CHRNA7: variants seen among roughly 807,000 people sequenced by gnomAD.
CHRNA7 encodes neuronal acetylcholine receptor subunit alpha-7.
CHRNA7 carries 17 observed loss-of-function variants against 48.0 expected under a neutral mutation model. That is an observed-to-expected ratio of 0.35 (90% CI 0.24 to 0.53). CHRNA7 has a LOEUF of 0.53. CHRNA7 is among the 20% of genes least tolerant of loss of function. The pLI is 0.92. For missense variants in CHRNA7, 155 were observed against 577.7 expected (o/e 0.27, Z 7.50); for synonymous variants, 75 against 242.3 (o/e 0.31, Z 6.41).
intron 2 of CHRNA7, among the ~76,000 whole-genome samples, chr15:32,058,553 A>G (rs542838927): frequency 2.7e-4 from 41 of 152,314 alleles, no homozygotes; most frequent in African/African-American, 9.4e-4. Flanking sequence ...TAGTGCTTGA[A>G]ACTTAGTGTT....
At chr15:32,088,620 C>G (rs1201138444) in intron 2 of CHRNA7, among the ~76,000 whole-genome samples, 3 of 152,118 alleles carry the variant, frequency 2.0e-5, no homozygotes, top group African/African-American at 7.2e-5. Context: ...AGATTTTAGC[C>G]TATCCGATAG....
chr15:32,059,109 T>C (rs1201863752), intron 2 of CHRNA7, among the ~76,000 whole-genome samples: 2 of 152,030 alleles, frequency 1.3e-5, no homozygotes, highest in African/African-American at 4.8e-5. Flanking sequence ...GTTCAAGCAA[T>C]TCTCATGCCT....
intron 2 of CHRNA7, among the ~76,000 whole-genome samples, chr15:32,031,432 C>T (rs968010534): frequency 2.0e-5 from 3 of 152,220 alleles, no homozygotes; most frequent in Non-Finnish European, 4.4e-5. Context: ...TTAGCCACTT[C>T]TAGACTTTTC....
At chr15:32,086,896 C>G (rs1233498863) in intron 2 of CHRNA7, among the ~76,000 whole-genome samples, 1 of 152,154 alleles carries the variant, frequency 6.6e-6, no homozygotes, top group Non-Finnish European at 1.5e-5. Context: ...ATCAATATGA[C>G]TTACTGTTGC....
chr15:32,140,390 A>G (rs575447888), intron 4 of CHRNA7, among the ~76,000 whole-genome samples: 1 of 152,310 alleles, frequency 6.6e-6, no homozygotes, highest in Non-Finnish European at 1.5e-5. Flanking sequence ...ATACGTGTGC[A>G]TATGTCTTTA....
intron 2 of CHRNA7, among the ~76,000 whole-genome samples, chr15:32,091,615 T>C (rs531747038): frequency 2.0e-5 from 3 of 152,298 alleles, no homozygotes; most frequent in African/African-American, 7.2e-5. Flanking sequence ...GCCAATGGTC[T>C]CTTCAAATTT....
At chr15:32,119,384 T>C (rs2050927919) in intron 4 of CHRNA7, among the ~76,000 whole-genome samples, 1 of 152,244 alleles carries the variant, frequency 6.6e-6, no homozygotes, top group South Asian at 2.1e-4. Context: ...TGATTTTATC[T>C]TTTAAAAAAT....
At chr15:32,116,052 A>G (rs1177510466) in intron 4 of CHRNA7, among the ~76,000 whole-genome samples, 1 of 152,244 alleles carries the variant, frequency 6.6e-6, no homozygotes, top group Non-Finnish European at 1.5e-5. Context: ...GCTTTCTGCC[A>G]GCTTCTAGGC....
At chr15:32,121,707 G>C (rs894829257) in intron 4 of CHRNA7, among the ~76,000 whole-genome samples, 3 of 152,212 alleles carry the variant, frequency 2.0e-5, no homozygotes, top group Non-Finnish European at 4.4e-5. Flanking sequence ...TGAGGTCCTG[G>C]CACTGCTGTT....
intron 4 of CHRNA7, among the ~76,000 whole-genome samples, chr15:32,124,933 A>G (rs1309702837): frequency 6.6e-6 from 1 of 152,226 alleles, no homozygotes; most frequent in Admixed American, 6.5e-5. Context: ...CTCCCCAGAC[A>G]TCAGATCCGT....
intron 2 of CHRNA7, among the ~76,000 whole-genome samples, chr15:32,091,139 G>T (rs1207362335): frequency 1.3e-5 from 2 of 151,922 alleles, no homozygotes; most frequent in Non-Finnish European, 2.9e-5. Context: ...CTATGTTTTT[G>T]ATTTCTGTAG....
At chr15:32,074,666 A>ATTATTATTATTATTT (rs991862925) in intron 2 of CHRNA7, among the ~76,000 whole-genome samples, 96 of 107,386 alleles carry the variant, frequency 8.9e-4, no homozygotes, top group African/African-American at 2.9e-3. Flanking sequence ...TATTATTATT[A>ATTATTATTATTATTT]TTTTTGAGAC....
At chr15:32,046,312 A>G (rs9744404) in intron 2 of CHRNA7, among the ~76,000 whole-genome samples, 27,495 of 129,176 alleles carry the variant, frequency 0.21, 4,178 homozygotes, top group East Asian at 0.52. Context: ...CTATTTCTCC[A>G]CATGCTCTCC....
intron 4 of CHRNA7, among the ~76,000 whole-genome samples, chr15:32,138,036 A>G (rs147628045): frequency 1.7e-3 from 252 of 152,342 alleles, no homozygotes; most frequent in African/African-American, 5.4e-3. Context: ...AAGAAGTTAT[A>G]AAATATAACA....
intron 2 of CHRNA7, among the ~76,000 whole-genome samples, chr15:32,054,300 T>G (rs1260720783): frequency 5.9e-5 from 9 of 152,292 alleles, no homozygotes; most frequent in Non-Finnish European, 1.3e-4. Context: ...TGGATGAAAT[T>G]TACAATTGAA....
At chr15:32,044,450 G>A (rs1303877545) in intron 2 of CHRNA7, among the ~76,000 whole-genome samples, 1 of 152,106 alleles carries the variant, frequency 6.6e-6, no homozygotes, top group African/African-American at 2.4e-5. Context: ...GCTAATTTTT[G>A]TATTTTTAGT....
intron 4 of CHRNA7, among the ~76,000 whole-genome samples, chr15:32,115,930 T>C (rs932857255): frequency 1.3e-5 from 2 of 152,182 alleles, no homozygotes; most frequent in African/African-American, 2.4e-5. Context: ...AACATTCAAC[T>C]GAGACTGAGT....
At chr15:32,117,157 G>A (rs1196748877) in intron 4 of CHRNA7, among the ~76,000 whole-genome samples, 1 of 152,216 alleles carries the variant, frequency 6.6e-6, no homozygotes, top group African/African-American at 2.4e-5. Context: ...GGGCAGGCAA[G>A]CCGTTGGAGT....
intron 4 of CHRNA7, among the ~76,000 whole-genome samples, chr15:32,120,636 G>C (rs2050952474): frequency 6.6e-6 from 1 of 151,878 alleles, no homozygotes; most frequent in Admixed American, 6.6e-5. Context: ...GCAGAGGACA[G>C]GTGCTGCGGT....
Sources: allele counts gnomAD v4.1 joint callset (sites outside exome capture counted in the v4.1 genomes callset), GRCh38; gene constraint gnomAD v4.1.1; transcripts MANE v1.5; gene names NCBI Gene and HGNC (gene_info 2026-07-23, HGNC 2026-07-21).